Variants in XKR9 observed in about 807,000 individuals in gnomAD.
XKR9 encodes XK-related protein 9.
A neutral mutation model predicts 32.0 loss-of-function variants in XKR9; 32 were observed. That is an observed-to-expected ratio of 1.00 (90% CI 0.76 to 1.34). XKR9 has a LOEUF of 1.34. XKR9 is among the 40% of genes most tolerant of loss of function. The pLI, the probability that XKR9 is intolerant of heterozygous loss-of-function variation, is 0.00. For missense variants in XKR9, 546 were observed against 429.7 expected (o/e 1.27, Z -2.39); for synonymous variants, 168 against 143.4 (o/e 1.17, Z -1.22).
intron 4 of XKR9, among the ~76,000 whole-genome samples, chr8:70,718,594 A>G (rs2132208809): frequency 6.6e-6 from 1 of 152,174 alleles, no homozygotes. Context: ...TTCCTGTGTT[A>G]GTTTGCTGAG....
the XKR9 span, among the ~76,000 whole-genome samples, chr8:70,932,050 T>G: frequency 6.6e-6 from 1 of 152,178 alleles, no homozygotes; most frequent in Non-Finnish European, 1.5e-5. Flanking sequence ...TCACACGTAT[T>G]AGACAGTTCA....
chr8:70,718,540 C>G (rs1253597185), intron 4 of XKR9, among the ~76,000 whole-genome samples: 4 of 152,066 alleles, frequency 2.6e-5, no homozygotes, highest in Non-Finnish European at 5.9e-5. Flanking sequence ...TCTCTTTGTT[C>G]AACTCCCATT....
chr8:70,864,526 A>G, the XKR9 span, among the ~76,000 whole-genome samples: 1 of 152,204 alleles, frequency 6.6e-6, no homozygotes, highest in African/African-American at 2.4e-5. Flanking sequence ...TTGAAATTTC[A>G]TCATGGGTTT....
chr8:70,730,187 G>A (rs902511225), intron 4 of XKR9, among the ~76,000 whole-genome samples: 1 of 151,770 alleles, frequency 6.6e-6, no homozygotes, highest in Non-Finnish European at 1.5e-5. Flanking sequence ...ACCCAAAGGG[G>A]CAAAAAAACC....
chr8:71,062,501 G>A, the XKR9 span, among the ~76,000 whole-genome samples: 1,009 of 152,166 alleles, frequency 6.6e-3, 8 homozygotes, highest in Non-Finnish European at 0.012. Context: ...AATACCTTGC[G>A]GGTTGAGATT....
At chr8:70,886,192 C>T in the XKR9 span, among the ~76,000 whole-genome samples, 1 of 152,188 alleles carries the variant, frequency 6.6e-6, no homozygotes, top group East Asian at 1.9e-4. Flanking sequence ...TTTCCAGCTT[C>T]ATCCATGTCC....
the XKR9 span, among the ~76,000 whole-genome samples, chr8:71,021,649 C>T: frequency 1.6e-4 from 24 of 152,018 alleles, no homozygotes; most frequent in East Asian, 1.4e-3. Context: ...ACTACAGGCA[C>T]GCGCCACCAT....
intron 4 of XKR9, among the ~76,000 whole-genome samples, chr8:70,719,055 G>T (rs1317448598): frequency 6.6e-6 from 1 of 151,964 alleles, no homozygotes; most frequent in Non-Finnish European, 1.5e-5. Flanking sequence ...ATTTGCATTT[G>T]TCTAATGACC....
the XKR9 span, among the ~76,000 whole-genome samples, chr8:70,973,581 A>T: frequency 1.3e-5 from 2 of 151,966 alleles, no homozygotes; most frequent in East Asian, 1.9e-4. Flanking sequence ...AGACTTTTTA[A>T]TGTAGGCATT....
the XKR9 span, among the ~76,000 whole-genome samples, chr8:71,032,187 G>A: frequency 6.7e-6 from 1 of 150,268 alleles, no homozygotes; most frequent in African/African-American, 2.5e-5. Context: ...TGGAGGCTGA[G>A]GCAGGAGAAT....
At chr8:70,719,324 C>G (rs1806198571) in intron 4 of XKR9, among the ~76,000 whole-genome samples, 1 of 152,042 alleles carries the variant, frequency 6.6e-6, no homozygotes, top group African/African-American at 2.4e-5. Flanking sequence ...TCCCATTTGT[C>G]AATTTTGGCT....
the XKR9 span, among the ~76,000 whole-genome samples, chr8:70,972,939 G>T: frequency 3.9e-5 from 6 of 152,016 alleles, no homozygotes; most frequent in African/African-American, 1.2e-4. Context: ...TGCGTGTTAT[G>T]TCCTTCCCTA....
At chr8:71,030,230 A>C in the XKR9 span, among the ~76,000 whole-genome samples, 1 of 152,142 alleles carries the variant, frequency 6.6e-6, no homozygotes, top group Non-Finnish European at 1.5e-5. Context: ...GGTTTTCTCA[A>C]CTTTTAGAGA....
the XKR9 span, among the ~76,000 whole-genome samples, chr8:70,808,148 A>T: frequency 6.6e-6 from 1 of 152,206 alleles, no homozygotes; most frequent in Admixed American, 6.5e-5. Flanking sequence ...GAAATTGAAC[A>T]ACCTGCTCCT....
At position 70,735,403 on chromosome 8, in the gene XKR9, G is replaced by A. The variant is rs1055254381; in HGVS notation, c.*979G>A. On this transcript the variant is annotated 3_prime_UTR_variant, in exon 5 of 5. Transcript: ENST00000408926. ...TAATCTCCAAATTTGTATGTTGATG[G>A]CATTTGGAAGTGGTGGGGACTTTGT... 1 of 151,262 alleles carries A rather than the reference G, an allele frequency of 6.6e-6. No homozygotes were observed. The highest frequency in any genetic ancestry group is 1.5e-5 in the Non-Finnish European group (1 of 67,794). 9.4% of individuals were successfully genotyped at this position (151,262 alleles called of 1,614,324 possible).
chr8:70,958,174 A>G, the XKR9 span, among the ~76,000 whole-genome samples: 3 of 152,184 alleles, frequency 2.0e-5, no homozygotes, highest in African/African-American at 7.2e-5. Context: ...GTGTGCATGT[A>G]GCTTTGTAAT....
At chr8:71,034,532 G>A in the XKR9 span, among the ~76,000 whole-genome samples, 10 of 152,150 alleles carry the variant, frequency 6.6e-5, no homozygotes, top group Non-Finnish European at 1.5e-4. Flanking sequence ...ATTCATGCTT[G>A]GAGTCCTGAA....
At chr8:70,962,825 C>A in the XKR9 span, among the ~76,000 whole-genome samples, 1 of 152,202 alleles carries the variant, frequency 6.6e-6, no homozygotes, top group Non-Finnish European at 1.5e-5. Flanking sequence ...TCTTCTCTTT[C>A]TGTACTAATT....
chr8:70,811,444 G>A, the XKR9 span, among the ~76,000 whole-genome samples: 1 of 152,124 alleles, frequency 6.6e-6, no homozygotes, highest in African/African-American at 2.4e-5. Flanking sequence ...TAAAATCAGA[G>A]CAGAACTGAA....
Sources: gnomAD v4.1 joint callset for allele counts (sites outside exome capture counted in the v4.1 genomes callset) on GRCh38, gnomAD v4.1.1 for gene constraint, MANE v1.5 for transcripts, NCBI Gene and HGNC (gene_info 2026-07-23, HGNC 2026-07-21) for gene names.